The following PACSIN2 variants were observed in gnomAD, a reference collection of about 807,000 sequenced individuals.
PACSIN2 encodes the protein protein kinase C and casein kinase substrate in neurons protein 2.
Under a neutral mutation model 63.8 loss-of-function variants are expected in PACSIN2, and 25 were observed. The ratio of observed to expected loss-of-function variants is 0.39; its 90% CI spans 0.29 to 0.55. PACSIN2 has a LOEUF of 0.55. Ranked by LOEUF, PACSIN2 falls within the 20% of genes least tolerant of loss-of-function variation. PACSIN2 has a pLI of 0.62. For missense variants in PACSIN2, 518 were observed against 646.9 expected (o/e 0.80, Z 2.16); for synonymous variants, 255 against 256.2 (o/e 1.00, Z 0.05).
intron 5 of PACSIN2, among the ~76,000 whole-genome samples, chr22:42,886,052 G>C (rs1448455630): frequency 6.6e-6 from 1 of 152,174 alleles, no homozygotes. Flanking sequence ...CCCCATCTCA[G>C]GAGCCTTCAA....
At position 42,879,160 on chromosome 22, in the gene PACSIN2, C is replaced by T. The variant is rs554664272; in HGVS notation, c.916G>A (p.Ala306Thr). The change falls in exon 8 of 11, where the codon GCA becomes ACA. Residue 306 changes from alanine (A) to threonine (T), a missense_variant. Ala to Thr is a moderately conservative substitution (Grantham distance 58). Around this residue, in one of 2 missense-constraint regions of PACSIN2, gnomAD observed 507 missense variants for 612.3 expected, o/e 0.83. Coordinates refer to ENST00000263246, the MANE Select transcript of PACSIN2 (RefSeq NM_001184970.3). The part of the protein sequence containing the change: ...MNWPQFEEWS[A>T]DLNRTLSRRE... ...CGGCTGAGGGTTCGATTCAGGTCTG[C>T]GGACCACTCCTAGGCAACAGGTGCC... 95 of 1,613,598 alleles carry T rather than the reference C, an allele frequency of 5.9e-5. 2 individuals are homozygous for T. In the South Asian group the frequency reaches 6.2e-4, roughly 10 times the overall value.
At chr22:42,895,138 C>A (rs972955466) in intron 2 of PACSIN2, among the ~76,000 whole-genome samples, 1 of 152,194 alleles carries the variant, frequency 6.6e-6, no homozygotes, top group Non-Finnish European at 1.5e-5. Flanking sequence ...GCTGGCAGCT[C>A]GGCAGCTCGT....
chr22:42,949,997 G>T (rs896594279), intron 1 of PACSIN2, among the ~76,000 whole-genome samples: 1 of 152,106 alleles, frequency 6.6e-6, no homozygotes, highest in South Asian at 2.1e-4. Context: ...CAGGCCCTGC[G>T]GTCCAGGAGC....
chr22:42,943,977 T>C (rs934916398), intron 1 of PACSIN2, among the ~76,000 whole-genome samples: 18 of 152,178 alleles, frequency 1.2e-4, no homozygotes, highest in Admixed American at 1.1e-3. Flanking sequence ...GACAAAGAAG[T>C]TGCTGGAGAG....
chr22:42,924,398 T>C (rs1240017839), intron 1 of PACSIN2, among the ~76,000 whole-genome samples: 1 of 152,258 alleles, frequency 6.6e-6, no homozygotes, highest in African/African-American at 2.4e-5. Flanking sequence ...TGTAGCTGTA[T>C]GCACTGCTGC....
At chr22:42,958,897 G>A (rs930484176) in intron 1 of PACSIN2, among the ~76,000 whole-genome samples, 1 of 152,114 alleles carries the variant, frequency 6.6e-6, no homozygotes, top group Admixed American at 6.5e-5. Context: ...AATCTAATTA[G>A]AATTACAGCA....
At chr22:42,924,807 A>C (rs1448992251) in intron 1 of PACSIN2, among the ~76,000 whole-genome samples, 1 of 151,272 alleles carries the variant, frequency 6.6e-6, no homozygotes, top group Non-Finnish European at 1.5e-5. Flanking sequence ...CCCAGGCTGA[A>C]GCGCAGTGGC....
chr22:42,963,604 G>C (rs976726052), intron 1 of PACSIN2, among the ~76,000 whole-genome samples: 41 of 152,244 alleles, frequency 2.7e-4, no homozygotes, highest in African/African-American at 8.9e-4. Flanking sequence ...ACGCTCATTT[G>C]AAACACTATA....
intron 1 of PACSIN2, among the ~76,000 whole-genome samples, chr22:42,923,837 G>A (rs562183579): frequency 1.2e-4 from 18 of 152,078 alleles, no homozygotes; most frequent in Non-Finnish European, 1.9e-4. Flanking sequence ...AGGAATTCAA[G>A]ACCAGCCTAG....
intron 1 of PACSIN2, among the ~76,000 whole-genome samples, chr22:43,002,825 G>A (rs992302464): frequency 5.9e-5 from 9 of 152,136 alleles, no homozygotes; most frequent in East Asian, 3.8e-4. Context: ...ATCTCATTAC[G>A]TCAACAGGAT....
At chr22:42,927,363 G>A (rs1932603942) in intron 1 of PACSIN2, among the ~76,000 whole-genome samples, 1 of 151,892 alleles carries the variant, frequency 6.6e-6, no homozygotes, top group Admixed American at 6.6e-5. Flanking sequence ...TCATGTCTCA[G>A]CTTCCCGAGT....
intron 2 of PACSIN2, among the ~76,000 whole-genome samples, chr22:42,900,097 G>A (rs568813364): frequency 1.3e-5 from 2 of 152,154 alleles, no homozygotes; most frequent in Admixed American, 6.5e-5. Flanking sequence ...GATGCAGCCC[G>A]TCCTTGCTGG....
chr22:42,921,330 CCCTG>C (rs1932180496), intron 1 of PACSIN2, among the ~76,000 whole-genome samples: 1 of 150,764 alleles, frequency 6.6e-6, no homozygotes, highest in Non-Finnish European at 1.5e-5. Context: ...CTGTCGCCCA[CCCTG>C]GGCGACAGTG....
chr22:42,996,805 G>A (rs896910062), intron 1 of PACSIN2, among the ~76,000 whole-genome samples: 2 of 152,184 alleles, frequency 1.3e-5, no homozygotes, highest in African/African-American at 4.8e-5. Flanking sequence ...GAGTTCTACA[G>A]CCTCAAGCTG....
At chr22:42,898,002 G>A (rs973517963) in intron 2 of PACSIN2, among the ~76,000 whole-genome samples, 1 of 152,098 alleles carries the variant, frequency 6.6e-6, no homozygotes, top group Non-Finnish European at 1.5e-5. Context: ...CCTGCATCCT[G>A]AAGGGTGTCA....
chr22:42,894,326 C>T lies in PACSIN2; in HGVS notation c.61-713G>A, dbSNP rs566413807. Among the ~76,000 whole-genome samples, 8 of 152,216 alleles carry T rather than the reference C, an allele frequency of 5.3e-5. No homozygotes were observed. In the East Asian group the frequency reaches 7.7e-4, roughly 15 times the overall value. Reference sequence around the variant, plus strand: ...CACGATCTCGGCTCACTGCAACCTCCGCATCCCAGGTTCAAGTGATTCTTC... The same window carrying T: ...CACGATCTCGGCTCACTGCAACCTCTGCATCCCAGGTTCAAGTGATTCTTC... On this transcript the variant is annotated intron_variant, in intron 2 of 10. Coordinates refer to ENST00000263246, the MANE Select transcript of PACSIN2 (RefSeq NM_001184970.3).
intron 1 of PACSIN2, among the ~76,000 whole-genome samples, chr22:42,968,581 C>G (rs1020532286): frequency 6.6e-6 from 1 of 152,114 alleles, no homozygotes; most frequent in Non-Finnish European, 1.5e-5. Context: ...ACCTAGAAAC[C>G]TAGTAAAGCC....
chr22:42,927,147 G>A (rs1932589394), intron 1 of PACSIN2, among the ~76,000 whole-genome samples: 1 of 152,154 alleles, frequency 6.6e-6, no homozygotes. Context: ...CATCATCTAT[G>A]GACTGACTTC....
Position 42,876,248 on chromosome 22 carries a change from T to G in PACSIN2, c.1237A>C (p.Asn413His), listed in dbSNP as rs1928613572. The part of the protein sequence containing the change: ...SNNPFSSTDA[N>H]GDSNPFDDDA... ...TCGTCGAATGGATTCGAGTCCCCAT[T>G]GGCATCCGTGGAGGAGAAGGGGTTG... The change falls in exon 10 of 11, where the codon AAT becomes CAT. Residue 413 changes from asparagine to histidine, a missense_variant. Physicochemically the swap from Asn to His is moderately conservative, Grantham distance 68. Around this residue, in one of 2 missense-constraint regions of PACSIN2, gnomAD observed 507 missense variants for 612.3 expected, o/e 0.83. Transcript: ENST00000263246. 6.2e-7 allele frequency: 1 copy of G among 1,614,064 alleles called. No individual in the cohort carries two copies. The highest frequency in any genetic ancestry group is 8.5e-7 in the Non-Finnish European group (1 of 1,180,026).
Sources: gnomAD v4.1 joint callset for allele counts (sites outside exome capture counted in the v4.1 genomes callset) on GRCh38, gnomAD v4.1.1 for gene constraint, gnomAD v4.1.1 regional missense constraint, MANE v1.5 for transcripts, NCBI Gene and HGNC (gene_info 2026-07-23, HGNC 2026-07-21) for gene names.